ANKAR: variants seen among roughly 807,000 people sequenced by gnomAD.
The protein encoded by ANKAR is ankyrin and armadillo repeat-containing protein.
ANKAR carries 136 observed loss-of-function variants against 146.2 expected under a neutral mutation model. That is an observed-to-expected ratio of 0.93 (90% CI 0.81 to 1.07). The LOEUF is 1.07. Among genes scored for constraint, ANKAR ranks in the 50% least tolerant of loss-of-function variants. ANKAR has a pLI of 0.00. For synonymous variants in ANKAR, 500 were observed against 575.8 expected, an observed-to-expected ratio of 0.87 and a Z score of 1.88; for missense variants, 1,567 against 1,679.9, an observed-to-expected ratio of 0.93 and a Z score of 1.18.
rs1041815905 is a variant in ANKAR at position 189,675,369 on chromosome 2, CTTTTTCTTTTT to C, written c.-36+553_-36+563del. 4.6e-5 allele frequency among the ~76,000 whole-genome samples: 7 copies of C among 151,960 alleles called. No homozygotes were observed. In the East Asian group the frequency reaches 5.8e-4, roughly 13 times the overall value. On this transcript the variant is annotated intron_variant, in intron 1 of 22. Transcript: ENST00000684021. ...GTTAAGCAAATGCTTCTTTCCTTTTCTTTTTCTTTTTTTTTTCTTTTTTTGAAACAGTGTTT... is the reference window on the plus strand; with the variant it reads ...GTTAAGCAAATGCTTCTTTCCTTTTCTTTTTCTTTTTTTGAAACAGTGTTT...
intron 16 of ANKAR, among the ~76,000 whole-genome samples, chr2:189,731,439 T>C: frequency 6.8e-6 from 1 of 148,038 alleles, no homozygotes. Flanking sequence ...AATGGTGCCA[T>C]CTCAGCTCAC....
At chr2:189,697,861 G>T (rs1408751321) in intron 7 of ANKAR, among the ~76,000 whole-genome samples, 1 of 145,490 alleles carries the variant, frequency 6.9e-6, no homozygotes, top group East Asian at 2.1e-4. Context: ...GCAGCCATTT[G>T]GGGGGCAGAG....
At chr2:189,704,546 T>C (rs1301201369) in intron 7 of ANKAR, among the ~76,000 whole-genome samples, 2 of 3,744 alleles carry the variant, frequency 5.3e-4, no homozygotes, top group Admixed American at 2.8e-3. Flanking sequence ...TTTGTTAACA[T>C]ATATATATAT....
At chr2:189,698,804 A>G (rs1478133462) in intron 7 of ANKAR, among the ~76,000 whole-genome samples, 1 of 152,166 alleles carries the variant, frequency 6.6e-6, no homozygotes, top group Non-Finnish European at 1.5e-5. Context: ...GCCAGAGGAC[A>G]CAGGTTGCTT....
At chr2:189,718,359 G>GACAC (rs66795152) in intron 10 of ANKAR, among the ~76,000 whole-genome samples, 19 of 151,166 alleles carry the variant, frequency 1.3e-4, no homozygotes, top group African/African-American at 4.1e-4. Flanking sequence ...TCTACACACA[G>GACAC]ACACACACAC....
At chr2:189,699,492 C>T (rs1453092118) in intron 7 of ANKAR, among the ~76,000 whole-genome samples, 2 of 152,114 alleles carry the variant, frequency 1.3e-5, no homozygotes, top group African/African-American at 4.8e-5. Flanking sequence ...AGTGTAAGTA[C>T]CTTATAATAA....
intron 9 of ANKAR, among the ~76,000 whole-genome samples, chr2:189,708,908 C>T (rs1335336115): frequency 6.6e-6 from 1 of 152,078 alleles, no homozygotes; most frequent in Non-Finnish European, 1.5e-5. Context: ...TAGAGACCAT[C>T]CTGGCCAACA....
chr2:189,714,941 A>G (rs1188229300), intron 10 of ANKAR, among the ~76,000 whole-genome samples: 1 of 111,366 alleles, frequency 9.0e-6, no homozygotes. Context: ...GTGAGACTCC[A>G]TCTCACAAAA....
chr2:189,719,330 G>A (rs2040965999), intron 10 of ANKAR, among the ~76,000 whole-genome samples: 1 of 152,104 alleles, frequency 6.6e-6, no homozygotes, highest in Admixed American at 6.6e-5. Flanking sequence ...AATATAAAAT[G>A]TTTGATCATG....
At position 189,743,279 on chromosome 2, in the gene ANKAR, G is replaced by A. The variant is rs80227981; in HGVS notation, c.3815G>A (p.Arg1272His). 2,086 of 1,612,914 alleles carry A rather than the reference G, an allele frequency of 1.3e-3. 7 individuals carry two copies. The highest frequency in any genetic ancestry group is 1.6e-3 in the Non-Finnish European group (1,846 of 1,179,276). ...YHLYSGIEEVRAACSSALGYL... is the reference protein window; with the variant it reads ...YHLYSGIEEVHAACSSALGYL... ...AAGAATTGTTTCTTCATTTAGGTTC[G>A]TGCAGCTTGTTCCTCTGCTCTTGGC... is the stretch of plus-strand genomic sequence containing the variant. The change falls in exon 21 of 23, where the codon CGT becomes CAT. Residue 1272 changes from arginine to histidine, a missense_variant. Physicochemically the swap from Arg to His is conservative, Grantham distance 29. Coordinates refer to ENST00000684021, the MANE Select transcript of ANKAR (RefSeq NM_001378068.1).
At chr2:189,734,492 A>C (rs1301378161) in intron 17 of ANKAR, among the ~76,000 whole-genome samples, 1 of 152,182 alleles carries the variant, frequency 6.6e-6, no homozygotes, top group African/African-American at 2.4e-5. Context: ...CACGGGCCAC[A>C]CTTTCAACAG....
At chr2:189,679,778 A>G (rs2034357628) in intron 2 of ANKAR, among the ~76,000 whole-genome samples, 1 of 152,150 alleles carries the variant, frequency 6.6e-6, no homozygotes, top group South Asian at 2.1e-4. Context: ...CATATGTTAA[A>G]CCATCCCTTC....
chr2:189,694,927 T>G, intron 5 of ANKAR, 54 bp from the exon 6 acceptor site: 1 of 1,179,144 alleles, frequency 8.5e-7, no homozygotes, highest in Non-Finnish European at 1.1e-6. Flanking sequence ...GAAAGAGAAG[T>G]AGCAAATCAC....
chr2:189,755,057 A>G, intron 18 of ANKAR: 1 of 1,247,232 alleles, frequency 8.0e-7, no homozygotes, highest in Admixed American at 2.9e-5. Flanking sequence ...AATTTTTTTC[A>G]GTTTACTAAG....
chr2:189,722,895 A>G (rs1408187937), intron 12 of ANKAR, among the ~76,000 whole-genome samples: 1 of 151,650 alleles, frequency 6.6e-6, no homozygotes, highest in Non-Finnish European at 1.5e-5. Flanking sequence ...AAAAAAAAAG[A>G]AAAGAAAACT....
chr2:189,729,695 C>CGTGTGTGTGT (rs139823318), intron 15 of ANKAR, among the ~76,000 whole-genome samples: 98 of 94,202 alleles, frequency 1.0e-3, no homozygotes, highest in Middle Eastern at 5.4e-3. Flanking sequence ...ATCAGCTGTG[C>CGTGTGTGTGT]GTGTGTGTGT....
At chr2:189,731,025 A>G (rs2042349972) in intron 16 of ANKAR, among the ~76,000 whole-genome samples, 1 of 152,206 alleles carries the variant, frequency 6.6e-6, no homozygotes. Context: ...TCTTGTCAGT[A>G]CTACACTTCA....
intron 2 of ANKAR, among the ~76,000 whole-genome samples, chr2:189,678,823 T>C (rs1370801712): frequency 6.6e-6 from 1 of 152,260 alleles, no homozygotes; most frequent in East Asian, 1.9e-4. Flanking sequence ...TTTTGTTAAC[T>C]ATAGCCTTGT....
chr2:189,696,887 T>C (rs1392364575), intron 7 of ANKAR, among the ~76,000 whole-genome samples: 1 of 152,174 alleles, frequency 6.6e-6, no homozygotes, highest in African/African-American at 2.4e-5. Context: ...TATATTTAAA[T>C]TACATTTAAT....
Sources: gnomAD v4.1 joint callset for allele counts (sites outside exome capture counted in the v4.1 genomes callset) on GRCh38, gnomAD v4.1.1 for gene constraint, MANE v1.5 for transcripts, NCBI Gene and HGNC (gene_info 2026-07-23, HGNC 2026-07-21) for gene names.